The following CAMK4 variants were observed in gnomAD, a reference collection of about 807,000 sequenced individuals.
CAMK4 encodes calcium/calmodulin dependent protein kinase IV.
A neutral mutation model predicts 44.9 loss-of-function variants in CAMK4; 22 were observed. The ratio of observed to expected loss-of-function variants is 0.49; its 90% CI spans 0.35 to 0.70. The LOEUF (loss-of-function observed/expected upper bound fraction) is 0.70, where lower values mean the gene tolerates loss of function less well. Ranked by LOEUF, CAMK4 falls within the 30% of genes least tolerant of loss-of-function variation. CAMK4 has a pLI of 0.01. For missense variants in CAMK4, 498 were observed against 586.8 expected, an observed-to-expected ratio of 0.85 and a Z score of 1.56; for synonymous variants, 218 against 215.4, an observed-to-expected ratio of 1.01 and a Z score of -0.11.
Position 111,362,734 on chromosome 5 carries a change from A to G in CAMK4, c.241-12116A>G, listed in dbSNP as rs1288684792. ...TAATCAGTTTCTTTTTCATAAGACC[A>G]TGCTGATGCTGGCACCTTCTTGGGA... On this transcript the variant is annotated intron_variant, in intron 2 of 10. Transcript: ENST00000282356. Among the ~76,000 whole-genome samples the G allele has an allele frequency of 2.6e-5, 4 of 152,024 alleles. No homozygotes were observed. In the East Asian group the frequency reaches 7.7e-4, roughly 29 times the overall value.
At chr5:111,354,824 A>C (rs949748449) in intron 2 of CAMK4, among the ~76,000 whole-genome samples, 6 of 129,866 alleles carry the variant, frequency 4.6e-5, no homozygotes, top group Admixed American at 3.8e-4. Flanking sequence ...GATCCTCTAC[A>C]CTTTGCCACT....
rs749126145 is a variant in CAMK4, at chr5:111,344,116, T to G, written c.240+14T>G. ...TTAAAGAAAACAGTAAGTTTATTTCTTATATAATGGCATCTCTAAGGGGCC... is the reference window on the plus strand; with the variant it reads ...TTAAAGAAAACAGTAAGTTTATTTCGTATATAATGGCATCTCTAAGGGGCC... On this transcript the variant is annotated intron_variant, in intron 2 of 10. Coordinates refer to ENST00000282356, the MANE Select transcript of CAMK4 (RefSeq NM_001744.6). 2.7e-6 allele frequency: 4 copies of G among 1,498,506 alleles called. No homozygotes were observed. In the African/African-American group the frequency reaches 5.5e-5, roughly 21 times the overall value. 92.8% of individuals were successfully genotyped at this position (1,498,506 alleles called of 1,614,324 possible). A position where few individuals can be genotyped will look rare whatever the true frequency, so the allele number is the denominator to read the frequency against.
chr5:111,283,754 A>T (rs1751119211), intron 1 of CAMK4, among the ~76,000 whole-genome samples: 1 of 152,324 alleles, frequency 6.6e-6, no homozygotes, highest in Admixed American at 6.5e-5. Flanking sequence ...CCTACTGTCT[A>T]TTCAACAGCA....
intron 5 of CAMK4, among the ~76,000 whole-genome samples, chr5:111,415,574 G>A (rs904222240): frequency 6.6e-6 from 1 of 152,202 alleles, no homozygotes; most frequent in Non-Finnish European, 1.5e-5. Flanking sequence ...AAAGAAATTC[G>A]TGCATAGCAT....
intron 7 of CAMK4, among the ~76,000 whole-genome samples, chr5:111,462,978 A>G (rs893508657): frequency 1.3e-5 from 2 of 152,316 alleles, no homozygotes; most frequent in Admixed American, 6.5e-5. Flanking sequence ...ATTTTTGTGT[A>G]ATTTTTATAT....
intron 5 of CAMK4, among the ~76,000 whole-genome samples, chr5:111,401,540 A>G (rs895458739): frequency 6.7e-6 from 1 of 148,704 alleles, no homozygotes; most frequent in Admixed American, 6.7e-5. Flanking sequence ...CAAAAAAAAT[A>G]GAAAATGGAC....
intron 1 of CAMK4, among the ~76,000 whole-genome samples, chr5:111,276,600 A>C (rs1297419527): frequency 2.0e-5 from 3 of 152,106 alleles, no homozygotes; most frequent in African/African-American, 7.2e-5. Flanking sequence ...AAATCTAAAA[A>C]AGTTTTTTTT....
chr5:111,457,941 G>C (rs1754477792), intron 7 of CAMK4, among the ~76,000 whole-genome samples: 1 of 152,180 alleles, frequency 6.6e-6, no homozygotes, highest in Non-Finnish European at 1.5e-5. Context: ...TAAATGCATG[G>C]TAAAATTCCA....
intron 1 of CAMK4, among the ~76,000 whole-genome samples, chr5:111,253,023 T>G (rs927350924): frequency 9.2e-5 from 14 of 152,252 alleles, no homozygotes; most frequent in Non-Finnish European, 1.5e-4. Context: ...TGCTTTCTTA[T>G]TTTTGTCAAA....
chr5:111,341,999 T>C (rs1749666209), intron 1 of CAMK4, among the ~76,000 whole-genome samples: 2 of 151,558 alleles, frequency 1.3e-5, no homozygotes, highest in Non-Finnish European at 3.0e-5. Flanking sequence ...TGTCTATTCT[T>C]TCTTCAACAC....
intron 10 of CAMK4, among the ~76,000 whole-genome samples, chr5:111,483,602 A>C (rs1457475671): frequency 6.6e-6 from 1 of 152,184 alleles, no homozygotes; most frequent in Non-Finnish European, 1.5e-5. Context: ...ACCCCAAATT[A>C]AATAGTATTG....
intron 1 of CAMK4, among the ~76,000 whole-genome samples, chr5:111,242,210 C>T (rs975496784): frequency 1.3e-5 from 2 of 152,126 alleles, no homozygotes; most frequent in African/African-American, 4.8e-5. Context: ...TTCTCCTTCA[C>T]CCCTTCCCCT....
At chr5:111,274,577 T>C (rs1426941681) in intron 1 of CAMK4, among the ~76,000 whole-genome samples, 1 of 152,216 alleles carries the variant, frequency 6.6e-6, no homozygotes, top group Non-Finnish European at 1.5e-5. Flanking sequence ...TGCATACATA[T>C]ATATCTCCAG....
At chr5:111,234,212 G>A (rs1230140512) in intron 1 of CAMK4, among the ~76,000 whole-genome samples, 1 of 152,112 alleles carries the variant, frequency 6.6e-6, no homozygotes, top group Non-Finnish European at 1.5e-5. Context: ...TGAGTTTAAA[G>A]CAAATATACA....
intron 1 of CAMK4, among the ~76,000 whole-genome samples, chr5:111,330,658 A>G (rs1418132076): frequency 2.6e-5 from 4 of 151,720 alleles, no homozygotes; most frequent in African/African-American, 7.3e-5. Flanking sequence ...TGCAAATACT[A>G]TACCATTTTA....
chr5:111,370,156 A>C (rs937763502), intron 2 of CAMK4, among the ~76,000 whole-genome samples: 1 of 152,188 alleles, frequency 6.6e-6, no homozygotes, highest in African/African-American at 2.4e-5. Flanking sequence ...ATGTTTTCAT[A>C]GAAAAATTAA....
At chr5:111,276,754 C>T (rs771413213) in intron 1 of CAMK4, among the ~76,000 whole-genome samples, 2 of 151,908 alleles carry the variant, frequency 1.3e-5, no homozygotes, top group Non-Finnish European at 2.9e-5. Flanking sequence ...CATTTTGATC[C>T]CATCTCTTGC....
In CAMK4 at chr5:111,376,876, T is replaced by C. The variant is rs1751232640; in HGVS notation, c.320T>C (p.Ile107Thr). 5 of 1,593,816 alleles carry C rather than the reference T, an allele frequency of 3.1e-6. No homozygotes were observed. The highest frequency in any genetic ancestry group is 4.3e-6 in the Non-Finnish European group (5 of 1,164,768). ...TTTCCCTAGATAAAACTTAAAGAGA[T>C]ATTTGAAACCCCTACAGAAATCAGT... ...SHPNIIKLKE[I>T]FETPTEISLV... The change falls in exon 4 of 11, where the codon ATA becomes ACA. Residue 107 changes from isoleucine (I) to threonine (T), a missense_variant. By Grantham distance (89) the Ile-to-Thr change is moderately conservative (BLOSUM62 -1). Transcript: ENST00000282356.
At chr5:111,321,655 T>G (rs900411879) in intron 1 of CAMK4, among the ~76,000 whole-genome samples, 1 of 152,112 alleles carries the variant, frequency 6.6e-6, no homozygotes, top group African/African-American at 2.4e-5. Flanking sequence ...AAATGGGTAG[T>G]TATTTTGTCC....
Sources: allele counts gnomAD v4.1 joint callset (sites outside exome capture counted in the v4.1 genomes callset), GRCh38; gene constraint gnomAD v4.1.1; transcripts MANE v1.5; gene names NCBI Gene and HGNC (gene_info 2026-07-23, HGNC 2026-07-21).